Variants in NTN4 observed in about 807,000 individuals in gnomAD.
NTN4 encodes the protein netrin 4.
In NTN4, 32 loss-of-function variants were observed where a neutral mutation model predicts 73.6. That is an observed-to-expected ratio of 0.44 (90% CI 0.33 to 0.58). NTN4 has a LOEUF of 0.58. NTN4 is among the 20% of genes least tolerant of loss of function. The pLI, the probability that NTN4 is intolerant of heterozygous loss-of-function variation, is 0.04. For synonymous variants in NTN4, 258 were observed against 287.5 expected (o/e 0.90, Z 1.04); for missense variants, 654 against 798.3 (o/e 0.82, Z 2.18).
At chr12:95,782,415 C>T (rs1263901327) in intron 2 of NTN4, among the ~76,000 whole-genome samples, 1 of 152,044 alleles carries the variant, frequency 6.6e-6, no homozygotes, top group Admixed American at 6.6e-5. Flanking sequence ...CGTGCCTCAG[C>T]TTCCCGAGTA....
intron 8 of NTN4, among the ~76,000 whole-genome samples, chr12:95,667,747 C>A (rs2078193087): frequency 6.6e-6 from 1 of 151,948 alleles, no homozygotes; most frequent in South Asian, 2.1e-4. Flanking sequence ...GTAGTCCCAG[C>A]TACTTGGGAA....
intron 2 of NTN4, among the ~76,000 whole-genome samples, chr12:95,765,240 G>A (rs1286561342): frequency 6.6e-6 from 1 of 152,184 alleles, no homozygotes; most frequent in East Asian, 1.9e-4. Flanking sequence ...CAATAAATAT[G>A]TCAAACTAAA....
At chr12:95,769,768 T>G (rs1212037926) in intron 2 of NTN4, among the ~76,000 whole-genome samples, 3 of 149,684 alleles carry the variant, frequency 2.0e-5, no homozygotes, top group Non-Finnish European at 4.5e-5. Context: ...TTTTTTTTTT[T>G]TTTTTGAGAC....
chr12:95,667,636 C>T (rs925125312), intron 8 of NTN4, among the ~76,000 whole-genome samples: 6 of 152,008 alleles, frequency 3.9e-5, no homozygotes, highest in African/African-American at 1.4e-4. Context: ...AGGCGGATCA[C>T]CTGAGGTCAG....
At chr12:95,752,705 G>T (rs576615488) in intron 2 of NTN4, among the ~76,000 whole-genome samples, 1 of 152,282 alleles carries the variant, frequency 6.6e-6, no homozygotes, top group African/African-American at 2.4e-5. Flanking sequence ...CCTAGGCATG[G>T]TTAGCGCAGT....
intron 5 of NTN4, among the ~76,000 whole-genome samples, chr12:95,705,940 T>G (rs187289701): frequency 9.6e-4 from 147 of 152,340 alleles, no homozygotes; most frequent in African/African-American, 3.5e-3. Context: ...ATATTCTAAT[T>G]GCTCAAGTTC....
intron 5 of NTN4, among the ~76,000 whole-genome samples, chr12:95,685,187 C>T (rs1490656771): frequency 2.6e-5 from 4 of 152,136 alleles, no homozygotes; most frequent in Admixed American, 6.6e-5. Flanking sequence ...TCTATTTATT[C>T]AATTTTTCCT....
At chr12:95,785,603 T>A (rs945702971) in intron 2 of NTN4, among the ~76,000 whole-genome samples, 7 of 152,196 alleles carry the variant, frequency 4.6e-5, no homozygotes, top group African/African-American at 1.7e-4. Flanking sequence ...AAAGTCTCCA[T>A]GTATCTATGG....
At chr12:95,780,555 C>T (rs995875128) in intron 2 of NTN4, among the ~76,000 whole-genome samples, 2 of 152,302 alleles carry the variant, frequency 1.3e-5, no homozygotes, top group Non-Finnish European at 2.9e-5. Context: ...AAAAAATGCT[C>T]ATCATCACTG....
At chr12:95,687,920 A>C (rs1283301561) in intron 5 of NTN4, among the ~76,000 whole-genome samples, 3 of 151,978 alleles carry the variant, frequency 2.0e-5, no homozygotes, top group Non-Finnish European at 2.9e-5. Context: ...CCATGTGGGG[A>C]ATGTGAGAAG....
rs143627830 is a variant in NTN4 at position 95,787,371 on chromosome 12, G to A, written c.153C>T (p.Thr51=). 7.2e-5 allele frequency: 117 copies of A among 1,614,142 alleles called. No individual in the cohort carries two copies. The African/African-American group carries it at 1.5e-3, about 20-fold the overall frequency. Residue 51 remains threonine, a synonymous_variant, in exon 2 of 10, where the codon ACC becomes ACT. Transcript: ENST00000343702. ...GTTCGGTAGCATTCTGACCGCAGGT[G>A]GTGTCTGCCCAGAGTTTTCGCCCCA... ...LALGRKLWAD[T]TCGQNATELY...
At chr12:95,669,170 T>G (rs2078206480) in intron 8 of NTN4, among the ~76,000 whole-genome samples, 1 of 147,896 alleles carries the variant, frequency 6.8e-6, no homozygotes, top group South Asian at 2.1e-4. Flanking sequence ...ATTGTGCCAC[T>G]GCACTCTAGG....
chr12:95,694,479 C>T (rs2078425982), intron 5 of NTN4, among the ~76,000 whole-genome samples: 1 of 152,078 alleles, frequency 6.6e-6, no homozygotes, highest in Non-Finnish European at 1.5e-5. Flanking sequence ...ATTCTTAGAG[C>T]AAGGGGGACT....
chr12:95,790,163 C>T lies in NTN4; in HGVS notation c.55+92G>A. 7.7e-6 allele frequency: 9 copies of T among 1,161,870 alleles called. No homozygotes were observed. The highest frequency in any genetic ancestry group is 1.5e-5 in the South Asian group (1 of 64,802). The allele number at this position is 1,161,870 out of a possible 1,614,324, so 72.0% of individuals were successfully genotyped here. A position where few individuals can be genotyped will look rare whatever the true frequency, so the allele number is the denominator to read the frequency against. On this transcript the variant is annotated intron_variant, in intron 1 of 9. Coordinates refer to ENST00000343702, the MANE Select transcript of NTN4 (RefSeq NM_021229.4). The surrounding 1 kb of genome is among the most constrained non-coding windows in gnomAD (Gnocchi z 6.5). ...ACCCTCGGGAGCAGCGCTCTGCGCT[C>T]GCAGCCCTGGCTCCCCTGCACCCCC...
intron 7 of NTN4, chr12:95,670,983 TG>T (rs1399213058): frequency 3.3e-5 from 5 of 151,834 alleles, no homozygotes; most frequent in African/African-American, 9.7e-5. Flanking sequence ...TATGTATGTA[TG>T]TATGTATATA....
intron 5 of NTN4, among the ~76,000 whole-genome samples, chr12:95,698,137 G>A (rs1245395964): frequency 4.6e-5 from 7 of 152,052 alleles, no homozygotes; most frequent in Non-Finnish European, 8.8e-5. Flanking sequence ...TGGTATCCTC[G>A]GGGATCCTGG....
intron 2 of NTN4, among the ~76,000 whole-genome samples, chr12:95,773,078 C>T (rs2079068621): frequency 6.6e-6 from 1 of 151,964 alleles, no homozygotes; most frequent in South Asian, 2.1e-4. Flanking sequence ...TCTCGGCTCA[C>T]TGCAACCTCC....
intron 7 of NTN4, among the ~76,000 whole-genome samples, chr12:95,681,199 A>G (rs11108195): frequency 2.0e-5 from 3 of 148,692 alleles, no homozygotes; most frequent in East Asian, 2.4e-4. Flanking sequence ...AAAAAAAAAA[A>G]AAAAAAAAAA....
chr12:95,738,175 A>T, intron 2 of NTN4, 31 bp from the exon 3 acceptor site: 11 of 1,585,214 alleles, frequency 6.9e-6, no homozygotes, highest in Non-Finnish European at 9.5e-6. Context: ...CCATGCGTTT[A>T]TAGGACTGTG....
Sources: gnomAD v4.1 joint callset for allele counts (sites outside exome capture counted in the v4.1 genomes callset) on GRCh38, gnomAD v4.1.1 for gene constraint, Gnocchi (gnomAD v3.1) non-coding constraint, MANE v1.5 for transcripts, NCBI Gene and HGNC (gene_info 2026-07-23, HGNC 2026-07-21) for gene names.